CYP3A7: variants seen among roughly 807,000 people sequenced by gnomAD.
CYP3A7 encodes cytochrome P450 family 3 subfamily A member 7.
In CYP3A7, 45 loss-of-function variants were observed where a neutral mutation model predicts 55.2. That is an observed-to-expected ratio of 0.82 (90% CI 0.64 to 1.05). The LOEUF (loss-of-function observed/expected upper bound fraction) is 1.05. Among genes scored for constraint, CYP3A7 ranks in the 50% least tolerant of loss-of-function variants. CYP3A7 has a pLI of 0.00. For missense variants in CYP3A7, 548 were observed against 605.3 expected (o/e 0.91, Z 0.99); for synonymous variants, 180 against 207.4 (o/e 0.87, Z 1.13).
At chr7:99,710,942 T>G in intron 9 of CYP3A7, 50 bp from the exon 10 acceptor site, 1 of 1,612,684 alleles carries the variant, frequency 6.2e-7, no homozygotes, top group Admixed American at 1.7e-5. Context: ...ATGTAGGGCA[T>G]CACAGTTTAG....
intron 7 of CYP3A7, 101 bp from the exon 8 acceptor site, chr7:99,714,783 C>T (rs1372979216): frequency 1.3e-6 from 2 of 1,543,698 alleles, no homozygotes; most frequent in Non-Finnish European, 1.7e-6. Flanking sequence ...GAGTGAAATA[C>T]ATCAGTGTTC....
chr7:99,716,579 G>T (rs1000781448), intron 6 of CYP3A7, among the ~76,000 whole-genome samples: 1 of 152,138 alleles, frequency 6.6e-6, no homozygotes, highest in Non-Finnish European at 1.5e-5. Context: ...CATATCCCCT[G>T]TCTGCCCAGG....
intron 9 of CYP3A7, 76 bp from the exon 10 acceptor site, chr7:99,710,968 A>G: frequency 6.2e-7 from 1 of 1,608,642 alleles, no homozygotes; most frequent in East Asian, 2.2e-5. Context: ...AAGAAATCTA[A>G]GTGGAACCTT....
At position 99,710,760 on chromosome 7, in the gene CYP3A7, T is replaced by C. The variant is rs1563019684; in HGVS notation, c.998A>G (p.Lys333Arg). 6.2e-7 allele frequency: 1 copy of C among 1,613,950 alleles called. No homozygotes were observed. Among genetic ancestry groups the C allele is most frequent in the Non-Finnish European group, 8.5e-7 (1 of 1,179,886 alleles). Residue 333 changes from lysine to arginine, a missense_variant, in exon 10 of 13, where the codon AAG becomes AGG. Transcript: ENST00000336374. ...THPDVQQKVQ[K>R]EIDTVLPNKA... ...ATTGGGTAAAACTGTATCAATTTCC[T>C]TCTGCACTTTCTGCTGGACATCAGG...
chr7:99,729,698 A>G (rs1446565203), intron 2 of CYP3A7, among the ~76,000 whole-genome samples: 2 of 152,026 alleles, frequency 1.3e-5, no homozygotes, highest in Admixed American at 1.3e-4. Flanking sequence ...TCTCTGCACA[A>G]TGAGTCTTAT....
At chr7:99,733,045 G>C (rs1814687606) in intron 1 of CYP3A7, among the ~76,000 whole-genome samples, 1 of 152,218 alleles carries the variant, frequency 6.6e-6, no homozygotes, top group African/African-American at 2.4e-5. Context: ...CGTGTTTGGA[G>C]AACCCAGCAG....
intron 4 of CYP3A7, among the ~76,000 whole-genome samples, chr7:99,719,889 C>T (rs112251365): frequency 6.6e-5 from 10 of 152,048 alleles, no homozygotes; most frequent in African/African-American, 1.9e-4. Context: ...CCCAGCTACT[C>T]GGGAGGTGGA....
intron 5 of CYP3A7, 64 bp from the exon 6 acceptor site, chr7:99,717,329 A>G (rs1385238993): frequency 6.2e-7 from 1 of 1,612,408 alleles, no homozygotes; most frequent in Non-Finnish European, 8.5e-7. Context: ...GAAGGACATG[A>G]CTTTGCCTGG....
chr7:99,705,530 C>T lies in CYP3A7; in HGVS notation c.1482G>A (p.Glu494=). 6.2e-7 allele frequency: 1 copy of T among 1,613,704 alleles called. No individual in the cohort carries two copies. Among genetic ancestry groups the T allele is most frequent in the South Asian group, 1.1e-5 (1 of 91,076 alleles). The change falls in exon 13 of 13, where the codon GAG becomes GAA. Residue 494 remains glutamate (E), a synonymous_variant. Coordinates refer to ENST00000336374, the MANE Select transcript of CYP3A7 (RefSeq NM_000765.5). ...LTEKPIVLKA[E]SRDETVSGA ...CTCCACTTACGGTCTCATCCCTTGA[C>T]TCAGCCTTTAGAACAATGGGTTTTT... is the stretch of plus-strand genomic sequence containing the variant.
intron 2 of CYP3A7, among the ~76,000 whole-genome samples, chr7:99,726,634 G>T (rs1371939527): frequency 2.6e-5 from 4 of 152,148 alleles, no homozygotes; most frequent in Non-Finnish European, 5.9e-5. Context: ...CTGCCACAAG[G>T]CTTCTGGGAC....
chr7:99,713,174 G>T (rs542221292), intron 9 of CYP3A7, among the ~76,000 whole-genome samples: 19 of 152,282 alleles, frequency 1.2e-4, no homozygotes, highest in African/African-American at 4.6e-4. Context: ...TTAATTCTGT[G>T]GATCTGGAGG....
intron 10 of CYP3A7, among the ~76,000 whole-genome samples, chr7:99,710,499 G>A (rs534001267): frequency 6.6e-6 from 1 of 152,260 alleles, no homozygotes; most frequent in East Asian, 1.9e-4. Flanking sequence ...GCATTATTGT[G>A]GTAACAGAAA....
chr7:99,714,672 T>C lies in CYP3A7; in HGVS notation c.681A>G (p.Pro227=). 1 of 1,612,120 alleles carries C rather than the reference T, an allele frequency of 6.2e-7. No individual in the cohort carries two copies. ...DPFVLSIKVF[P]FLTPILEALN... ...ATGCTTCAAGAATTGGGGTAAGGAA[T>C]GGAAAGACTTCTGTAGAAAAAAAAA... Residue 227 remains proline, a synonymous_variant, in exon 8 of 13, where the codon CCA becomes CCG. Coordinates refer to ENST00000336374, the MANE Select transcript of CYP3A7 (RefSeq NM_000765.5).
chr7:99,710,910 A>G lies in CYP3A7; in HGVS notation c.866-18T>C, dbSNP rs370580138. 6.1e-5 allele frequency: 99 copies of G among 1,613,548 alleles called. No individual in the cohort carries two copies. Among genetic ancestry groups the G allele is most frequent in the Non-Finnish European group, 7.7e-5 (91 of 1,179,622 alleles). On this transcript the variant is annotated intron_variant, in intron 9 of 12. Transcript: ENST00000336374. ...AGACAGAGCTGAAAGGAGAGAAAAG[A>G]CATTTTAGGTAAATCAGGTCAATGT...
chr7:99,719,755 C>A (rs148185393), intron 4 of CYP3A7, among the ~76,000 whole-genome samples: 1 of 152,252 alleles, frequency 6.6e-6, no homozygotes, highest in East Asian at 1.9e-4. Context: ...TTGCACAAAT[C>A]TACAAATGTG....
chr7:99,717,774 A>C, intron 4 of CYP3A7, 135 bp from the exon 5 acceptor site: 1 of 1,142,222 alleles, frequency 8.8e-7, no homozygotes, highest in South Asian at 1.4e-5. Flanking sequence ...GCCCTATGAC[A>C]GATGCTCAAT....
chr7:99,733,850 C>T (rs4646461), intron 1 of CYP3A7, among the ~76,000 whole-genome samples: 19,165 of 152,186 alleles, frequency 0.13, 1,664 homozygotes, highest in South Asian at 0.32. Flanking sequence ...ACCTGCTAAG[C>T]AGGTGTATTT....
At chr7:99,707,593 T>G (rs1563017792) in intron 12 of CYP3A7, among the ~76,000 whole-genome samples, 1 of 152,232 alleles carries the variant, frequency 6.6e-6, no homozygotes, top group African/African-American at 2.4e-5. Flanking sequence ...AATCATGTCA[T>G]GCTAGTCTAC....
intron 1 of CYP3A7, among the ~76,000 whole-genome samples, chr7:99,733,962 G>A (rs1357699391): frequency 6.6e-6 from 1 of 152,208 alleles, no homozygotes. Flanking sequence ...TCATATTCCT[G>A]ACATTATTCT....
Sources: allele counts gnomAD v4.1 joint callset (sites outside exome capture counted in the v4.1 genomes callset), GRCh38; gene constraint gnomAD v4.1.1; transcripts MANE v1.5; gene names NCBI Gene and HGNC (gene_info 2026-07-23, HGNC 2026-07-21).